Variants in GPRIN2 observed in about 807,000 individuals in gnomAD.
GPRIN2 encodes the protein G protein regulated inducer of neurite outgrowth 2.
In GPRIN2, 1 loss-of-function variant was observed where a neutral mutation model predicts 0.3. The observed-to-expected ratio is 3.90, with a 90% confidence interval of 1.39 to 18.51. The LOEUF (loss-of-function observed/expected upper bound fraction) is 18.51, where lower values mean the gene tolerates loss of function less well. GPRIN2 is among the 30% of genes most tolerant of loss of function. The probability of loss-of-function intolerance (pLI) is 0.11; values close to 1 mark genes in which losing one functional copy is unlikely to be tolerated. For synonymous variants in GPRIN2, 361 were observed against 258.6 expected, an observed-to-expected ratio of 1.40 and a Z score of -3.80; for missense variants, 880 against 604.2, an observed-to-expected ratio of 1.46 and a Z score of -4.79.
At chr10:46,556,351 G>A (rs3120479) in intron 1 of GPRIN2, among the ~76,000 whole-genome samples, 147 bp downstream of exon 1, 1 of 152,216 alleles carries the variant, frequency 6.6e-6, no homozygotes, top group African/African-American at 2.4e-5. Flanking sequence ...TGCGGCCACC[G>A]GGGGCTCTGG....
upstream of GPRIN2, among the ~76,000 whole-genome samples, chr10:46,557,086 C>T (rs1261666685): frequency 6.6e-6 from 1 of 152,176 alleles, no homozygotes; most frequent in African/African-American, 2.4e-5. Flanking sequence ...TCCGCGCCGG[C>T]GGCTACCCCT....
chr10:46,550,692 G>C lies in GPRIN2; in HGVS notation c.45C>G (p.Ser15Arg), dbSNP rs1832277642. ...RPEPGPWAPL[S>R]PRLQPLSQSS... ...TCTGGGACAGGGGCTGAAGGCGGGG[G>C]CTCAGGGGTGCCCAGGGACCCGGCT... Residue 15 changes from serine (S) to arginine (R), a missense_variant, in exon 3 of 3, where the codon AGC becomes AGG. Transcript: ENST00000374314. The C allele has an allele frequency of 5.5e-5, 83 of 1,511,168 alleles. No individual in the cohort carries two copies. In the Middle Eastern group the frequency reaches 7.1e-4, roughly 13 times the overall value. The allele number at this position is 1,511,168 out of a possible 1,614,324, so 93.6% of individuals were successfully genotyped here. A position where few individuals can be genotyped will look rare whatever the true frequency, so the allele number is the denominator to read the frequency against.
At position 46,545,614 on chromosome 10, in the gene GPRIN2, A is replaced by G. The variant is rs1842087298; in HGVS notation, c.*3746T>C. ...GGGCCAAGTCCCAGGCAGGGTGCAA[A>G]GCTGTGGGGCGAGGAACCTGGAAAG... On this transcript the variant is annotated 3_prime_UTR_variant, in exon 3 of 3. Coordinates refer to ENST00000374314, the MANE Select transcript of GPRIN2 (RefSeq NM_001385282.1). Among the ~76,000 whole-genome samples the G allele has an allele frequency of 1.3e-5, 2 of 152,302 alleles. No homozygotes were observed. The highest frequency in any genetic ancestry group is 1.5e-5 in the Non-Finnish European group (1 of 68,058).
chr10:46,549,881 G>A lies in GPRIN2; in HGVS notation c.856C>T (p.Leu286Phe), dbSNP rs1832563437. 6.2e-6 allele frequency: 10 copies of A among 1,614,264 alleles called. No homozygotes were observed. The South Asian group carries it at 6.6e-5, about 11-fold the overall frequency. Residue 286 changes from leucine to phenylalanine, a missense_variant, in exon 3 of 3, where the codon CTC becomes TTC. Transcript: ENST00000374314. Reference protein sequence around the residue: ...VKIHCRLSGGLPGHSHCCAHL... With the variant: ...VKIHCRLSGGFPGHSHCCAHL... ...GCACAGCAATGGGAATGCCCAGGGA[G>A]CCCCCCAGACAACCTACAGTGGATC...
In GPRIN2 at chr10:46,544,048, A is replaced by G. The variant is rs985449610; in HGVS notation, c.*5312T>C. Among the ~76,000 whole-genome samples, 20 of 152,376 alleles carry G rather than the reference A, an allele frequency of 1.3e-4. No individual in the cohort carries two copies. The highest frequency in any genetic ancestry group is 7.8e-4 in the Admixed American group (12 of 15,304). On this transcript the variant is annotated 3_prime_UTR_variant, in exon 3 of 3. Coordinates refer to ENST00000374314, the MANE Select transcript of GPRIN2 (RefSeq NM_001385282.1). ...TAGCCACAGCAACAGAACTGGCCCCATGTCTCTCAATCAGGGAGGTCCCCA... is the reference window on the plus strand; with the variant it reads ...TAGCCACAGCAACAGAACTGGCCCCGTGTCTCTCAATCAGGGAGGTCCCCA...
At chr10:46,557,556 T>C (rs1831735795), upstream of GPRIN2, among the ~76,000 whole-genome samples, 127,978 of 152,170 alleles carry the variant, frequency 0.84, 51,896 homozygotes, top group East Asian at 0.95. Flanking sequence ...CCACCTCCAC[T>C]GGAGCCCGCC....
At chr10:46,557,458 G>A (rs1421552488), upstream of GPRIN2, among the ~76,000 whole-genome samples, 4 of 152,302 alleles carry the variant, frequency 2.6e-5, no homozygotes, top group African/African-American at 9.6e-5. Flanking sequence ...CCCTGCCCAC[G>A]TGCCCCTACC....
In GPRIN2 at chr10:46,550,561, G is replaced by A. The variant is rs1832323966; in HGVS notation, c.176C>T (p.Pro59Leu). Residue 59 changes from proline (P) to leucine (L), a missense_variant, in exon 3 of 3, where the codon CCC (proline) becomes CTC (leucine). Pro to Leu is a moderately conservative substitution (Grantham distance 98). Transcript: ENST00000374314. The part of the protein sequence containing the change: ...QAQLGEASTR[P>L]QAPEEEGNPP... ...GTTCCCCTCTTCCTCCGGGGCCTGG[G>A]GTCTGGTGCTGGCCTCGCCCAGCTG... 2 of 1,586,850 alleles carry A rather than the reference G, an allele frequency of 1.3e-6. No individual in the cohort carries two copies. The highest frequency in any genetic ancestry group is 2.2e-5 in the East Asian group (1 of 44,554).
Position 46,547,321 on chromosome 10 carries a change from A to G in GPRIN2, c.*2039T>C, listed in dbSNP as rs1842253748. ...CTGGCACATCTCCACTGGAAGCCAAATGGATATTTCTAAACTGAAATCTGG... is the reference window on the plus strand; with the variant it reads ...CTGGCACATCTCCACTGGAAGCCAAGTGGATATTTCTAAACTGAAATCTGG... On this transcript the variant is annotated 3_prime_UTR_variant, in exon 3 of 3. Coordinates refer to ENST00000374314, the MANE Select transcript of GPRIN2 (RefSeq NM_001385282.1). 1.3e-5 allele frequency among the ~76,000 whole-genome samples: 2 copies of G among 152,430 alleles called. No homozygotes were observed. The highest frequency in any genetic ancestry group is 3.8e-4 in the East Asian group (2 of 5,196).
chr10:46,555,047 C>T (rs1205440752), intron 1 of GPRIN2, among the ~76,000 whole-genome samples: 11 of 152,420 alleles, frequency 7.2e-5, no homozygotes, highest in Middle Eastern at 3.4e-3. Flanking sequence ...CCTGGGTTCA[C>T]GTGATTCTCT....
At position 46,546,828 on chromosome 10, in the gene GPRIN2, TG is replaced by T. The variant is rs1170604337; in HGVS notation, c.*2531del. Among the ~76,000 whole-genome samples the T allele has an allele frequency of 5.9e-5, 9 of 152,422 alleles. No homozygotes were observed. Among genetic ancestry groups the T allele is most frequent in the African/African-American group, 2.2e-4 (9 of 41,602 alleles). On this transcript the variant is annotated 3_prime_UTR_variant, in exon 3 of 3. Transcript: ENST00000374314. ...TCGTGGTTTAGCCAGGAGAATCATC[TG>T]GGGCCCCAGCCAAGACACAGGTGTT...
intron 2 of GPRIN2, chr10:46,551,453 G>A: frequency 1.0e-6 from 1 of 985,532 alleles, no homozygotes; most frequent in Non-Finnish European, 1.2e-6. Context: ...CCATGCATCA[G>A]CTTTTTCCAT....
chr10:46,549,114 C>G lies in GPRIN2; in HGVS notation c.*246G>C. The G allele has an allele frequency of 2.0e-6, 1 of 491,920 alleles. No individual in the cohort carries two copies. 30.5% of individuals were successfully genotyped at this position (491,920 alleles called of 1,614,324 possible). A position where few individuals can be genotyped will look rare whatever the true frequency, so the allele number is the denominator to read the frequency against. ...CCTCTGCACAGTGCTAAAGCCCTGTCTCAAAGTTCAGAGCCCGGAAGGTGC... is the reference window on the plus strand; with the variant it reads ...CCTCTGCACAGTGCTAAAGCCCTGTGTCAAAGTTCAGAGCCCGGAAGGTGC... On this transcript the variant is annotated 3_prime_UTR_variant, in exon 3 of 3. Coordinates refer to ENST00000374314, the MANE Select transcript of GPRIN2 (RefSeq NM_001385282.1).
chr10:46,552,821 G>A (rs1344842429), intron 2 of GPRIN2, among the ~76,000 whole-genome samples: 13 of 152,310 alleles, frequency 8.5e-5, no homozygotes, highest in Admixed American at 8.5e-4. Context: ...TGGTAAGGAT[G>A]TCCCATCCCA....
upstream of GPRIN2, among the ~76,000 whole-genome samples, chr10:46,556,741 C>T (rs1051529761): frequency 4.6e-5 from 7 of 152,236 alleles, no homozygotes; most frequent in Admixed American, 1.3e-4. Flanking sequence ...GCCCGTGCCA[C>T]TCTGGAGCCT....
intron 2 of GPRIN2, among the ~76,000 whole-genome samples, chr10:46,553,976 A>AGG (rs1842893516): frequency 6.6e-6 from 1 of 152,304 alleles, no homozygotes; most frequent in Non-Finnish European, 1.5e-5. Flanking sequence ...AGGAAGGGGC[A>AGG]GGGCTCTGCT....
chr10:46,554,959 G>T (rs1721677190), intron 1 of GPRIN2, among the ~76,000 whole-genome samples: 1 of 152,304 alleles, frequency 6.6e-6, no homozygotes, highest in Non-Finnish European at 1.5e-5. Context: ...TCGTTCGTTT[G>T]TTTGTGAGAC....
chr10:46,556,365 C>T (rs1369868666), intron 1 of GPRIN2, among the ~76,000 whole-genome samples, 133 bp downstream of exon 1: 1 of 152,304 alleles, frequency 6.6e-6, no homozygotes, highest in Non-Finnish European at 1.5e-5. Context: ...GCTCTGGGCG[C>T]TGGGCAGGGG....
At position 46,550,594 on chromosome 10, in the gene GPRIN2, C is replaced by T; in HGVS notation, c.143G>A (p.Trp48Ter). The change falls in exon 3 of 3, where the codon TGG becomes TAG. Residue 48 changes from tryptophan to a stop codon, truncating the protein, a stop_gained. Transcript: ENST00000374314. LOFTEE classifies it low-confidence loss of function (END_TRUNC). ...ELRKTASSTVWQAQLGEASTR... is the reference protein window; with the variant it reads ...ELRKTASSTV ...GCTGGCCTCGCCCAGCTGGGCCTGC[C>T]ACACGGTGCTGCTGGCAGTCTTGCG... 6.3e-7 allele frequency: 1 copy of T among 1,585,912 alleles called. No individual in the cohort carries two copies. Among genetic ancestry groups the T allele is most frequent in the Admixed American group, 1.8e-5 (1 of 56,260 alleles).
Sources: allele counts gnomAD v4.1 joint callset (sites outside exome capture counted in the v4.1 genomes callset), GRCh38; gene constraint gnomAD v4.1.1; transcripts MANE v1.5; gene names NCBI Gene and HGNC (gene_info 2026-07-23, HGNC 2026-07-21).